The following OXR1 variants were observed in gnomAD, a reference collection of about 807,000 sequenced individuals.
The protein encoded by OXR1 is oxidation resistance 1.
A neutral mutation model predicts 104.6 loss-of-function variants in OXR1; 41 were observed. The observed-to-expected ratio is 0.39, with a 90% CI of 0.31 to 0.51. OXR1 has a LOEUF of 0.51. Ranked by LOEUF, OXR1 falls within the 20% of genes least tolerant of loss-of-function variation. OXR1 has a pLI of 0.77. For missense variants in OXR1, 955 were observed against 1,031.9 expected, an observed-to-expected ratio of 0.93 and a Z score of 1.02; for synonymous variants, 348 against 348.4, an observed-to-expected ratio of 1.00 and a Z score of 0.01.
chr8:106,697,392 G>A (rs181433034), intron 7 of OXR1: 74 of 1,330,628 alleles, frequency 5.6e-5, no homozygotes, highest in South Asian at 1.4e-4. Flanking sequence ...TTAACCACTC[G>A]TGGGAGGGCA....
At chr8:106,737,440 CTTTTTTTTTTTTTTT>C (rs71562118) in intron 11 of OXR1, 65 bp from the exon 12 acceptor site, 2 of 148,072 alleles carry the variant, frequency 1.4e-5, no homozygotes, top group African/African-American at 7.0e-5. Flanking sequence ...AATTTCTCCT[CTTTTTTTTTTTTTTT>C]TTTTTTTTTT....
At chr8:106,656,116 C>T (rs145012318) in intron 3 of OXR1, 13 of 152,222 alleles carry the variant, frequency 8.5e-5, no homozygotes, top group African/African-American at 2.6e-4. Flanking sequence ...CTTACCGAGC[C>T]TCTCTTTCAT....
chr8:106,374,377 A>G (rs1374273861), intron 2 of OXR1, among the ~76,000 whole-genome samples: 2 of 152,218 alleles, frequency 1.3e-5, no homozygotes, highest in African/African-American at 4.8e-5. Flanking sequence ...TTTCCTACTG[A>G]TGGGTCAGAC....
intron 1 of OXR1, among the ~76,000 whole-genome samples, chr8:106,357,901 G>A (rs74639132): frequency 0.014 from 2,142 of 152,170 alleles, 59 homozygotes; most frequent in African/African-American, 0.049. Flanking sequence ...GGTGGCAGAC[G>A]CTGCTAGTTT....
intron 16 of OXR1, 111 bp downstream of exon 16, chr8:106,745,973 T>A: frequency 1.6e-6 from 1 of 622,664 alleles, no homozygotes; most frequent in Non-Finnish European, 2.8e-6. Context: ...GAATTCAAAT[T>A]TGTATATTAT....
intron 2 of OXR1, among the ~76,000 whole-genome samples, chr8:106,492,531 C>T (rs761320934): frequency 6.6e-5 from 10 of 152,040 alleles, no homozygotes; most frequent in Non-Finnish European, 1.5e-4. Flanking sequence ...CTTTGGCAGG[C>T]GTACCAAGTA....
Position 106,410,016 on chromosome 8 carries a change from A to G in OXR1, c.23+50380A>G, listed in dbSNP as rs57948712. On this transcript the variant is annotated intron_variant, in intron 2 of 16. Transcript: ENST00000517566. ...CACACACAAACACACACACACACAC[A>G]TAAGAACTTTTTTAAAGAAACTACC... 7.6e-3 allele frequency among the ~76,000 whole-genome samples: 719 copies of G among 94,696 alleles called. 6 individuals are homozygous for G. The highest frequency in any genetic ancestry group is 0.05 in the African/African-American group (687 of 13,852). 62.1% of individuals were successfully genotyped at this position (94,696 alleles called of 152,430 possible).
At position 106,405,163 on chromosome 8, in the gene OXR1, T is replaced by G. The variant is rs1586610689; in HGVS notation, c.23+45527T>G. Among the ~76,000 whole-genome samples the G allele has an allele frequency of 1.3e-4, 3 of 23,022 alleles. 1 individual carries two copies. The highest frequency in any genetic ancestry group is 2.1e-4 in the Non-Finnish European group (3 of 14,054). The allele number at this position is 23,022 out of a possible 152,430, so 15.1% of individuals were successfully genotyped here. ...CCACATATATATATATATATATATA[T>G]ATATATATATATATATATATATATA... On this transcript the variant is annotated intron_variant, in intron 2 of 16. Coordinates refer to ENST00000517566, the MANE Select transcript of OXR1 (RefSeq NM_001198533.2).
intron 2 of OXR1, among the ~76,000 whole-genome samples, chr8:106,414,144 A>T (rs1006423330): frequency 2.0e-5 from 3 of 152,052 alleles, no homozygotes. Context: ...AGCTATGTAA[A>T]ATTTCTGAAC....
intron 1 of OXR1, among the ~76,000 whole-genome samples, chr8:106,287,344 T>C (rs950860545): frequency 6.6e-6 from 1 of 152,166 alleles, no homozygotes; most frequent in Non-Finnish European, 1.5e-5. Flanking sequence ...TAATTTCTGC[T>C]AAGATGGGTT....
At chr8:106,709,740 A>G (rs1831511566) in intron 9 of OXR1, among the ~76,000 whole-genome samples, 1 of 151,134 alleles carries the variant, frequency 6.6e-6, no homozygotes, top group Non-Finnish European at 1.5e-5. Context: ...AGTAATTTTA[A>G]GTTACTTAAT....
chr8:106,644,378 A>G (rs535275780), intron 3 of OXR1, among the ~76,000 whole-genome samples: 153 of 152,368 alleles, frequency 1.0e-3, no homozygotes, highest in Non-Finnish European at 2.0e-3. Context: ...AATCATTTGC[A>G]AAATCTATCA....
intron 2 of OXR1, among the ~76,000 whole-genome samples, chr8:106,392,073 A>C (rs1019667956): frequency 6.6e-6 from 1 of 152,198 alleles, no homozygotes; most frequent in African/African-American, 2.4e-5. Flanking sequence ...GCATGAACCT[A>C]TGTGCATCTG....
intron 2 of OXR1, among the ~76,000 whole-genome samples, chr8:106,413,733 T>A (rs946340332): frequency 5.3e-5 from 8 of 151,688 alleles, no homozygotes; most frequent in African/African-American, 1.9e-4. Flanking sequence ...ACTTTTTTTT[T>A]TTTTTTTTGA....
intron 11 of OXR1, among the ~76,000 whole-genome samples, chr8:106,729,449 G>A (rs2131511323): frequency 6.6e-6 from 1 of 151,916 alleles, no homozygotes; most frequent in Non-Finnish European, 1.5e-5. Flanking sequence ...ATTTCCATTT[G>A]AAGAATCAGA....
chr8:106,533,962 C>T (rs1814288411), intron 3 of OXR1, among the ~76,000 whole-genome samples: 1 of 152,116 alleles, frequency 6.6e-6, no homozygotes, highest in Non-Finnish European at 1.5e-5. Flanking sequence ...ATCCACCTGC[C>T]TCAGCCTCCC....
chr8:106,463,571 A>G (rs913025748), intron 2 of OXR1, among the ~76,000 whole-genome samples: 1 of 152,134 alleles, frequency 6.6e-6, no homozygotes, highest in African/African-American at 2.4e-5. Flanking sequence ...TGATGAGAAT[A>G]CATGATGGAA....
chr8:106,513,170 T>G (rs1812646907), intron 2 of OXR1, among the ~76,000 whole-genome samples: 1 of 152,186 alleles, frequency 6.6e-6, no homozygotes, highest in African/African-American at 2.4e-5. Flanking sequence ...TTGGATATTT[T>G]CTGCCAGTTC....
intron 1 of OXR1, among the ~76,000 whole-genome samples, chr8:106,301,656 A>G (rs1813238943): frequency 6.6e-6 from 1 of 152,212 alleles, no homozygotes; most frequent in South Asian, 2.1e-4. Context: ...TGATAAATAT[A>G]TAGTACCTGT....
Sources: allele counts gnomAD v4.1 joint callset (sites outside exome capture counted in the v4.1 genomes callset), GRCh38; gene constraint gnomAD v4.1.1; transcripts MANE v1.5; gene names NCBI Gene and HGNC (gene_info 2026-07-23, HGNC 2026-07-21).